The following SARAF variants were observed in gnomAD, a reference collection of about 807,000 sequenced individuals.
SARAF encodes store-operated calcium entry-associated regulatory factor.
A neutral mutation model predicts 39.7 loss-of-function variants in SARAF; 23 were observed. The ratio of observed to expected loss-of-function variants is 0.58; its 90% CI spans 0.42 to 0.82. SARAF has a LOEUF of 0.82. SARAF is among the 40% of genes least tolerant of loss of function. SARAF has a pLI of 0.00. For synonymous variants in SARAF, 175 were observed against 168.5 expected, an observed-to-expected ratio of 1.04 and a Z score of -0.30; for missense variants, 384 against 418.5, an observed-to-expected ratio of 0.92 and a Z score of 0.72.
Position 30,063,133 on chromosome 8 carries a change from A to C in SARAF, c.*755T>G, listed in dbSNP as rs1801596487. On this transcript the variant is annotated 3_prime_UTR_variant, in exon 6 of 6. Transcript: ENST00000256255. ...TTTTTATTGATTCTTTTTAAGATTG[A>C]AACAGACTATTACAACAATATTTGA... is the stretch of plus-strand genomic sequence containing the variant. 1 of 152,250 alleles carries C rather than the reference A, an allele frequency of 6.6e-6. No homozygotes were observed. The highest frequency in any genetic ancestry group is 6.5e-5 in the Admixed American group (1 of 15,278). 9.4% of individuals were successfully genotyped at this position (152,250 alleles called of 1,614,324 possible). A position where few individuals can be genotyped will look rare whatever the true frequency, so the allele number is the denominator to read the frequency against.
chr8:30,074,152 C>T lies in SARAF; in HGVS notation c.104-97G>A, dbSNP rs1222287336. On this transcript the variant is annotated intron_variant, in intron 1 of 5. Transcript: ENST00000256255. Reference sequence around the variant, plus strand: ...AACTCTCGTCATAGGAAATGCCTTTCTTGCCTTCTGAGGATGGCTAAGAGA... The same window carrying T: ...AACTCTCGTCATAGGAAATGCCTTTTTTGCCTTCTGAGGATGGCTAAGAGA... 28 of 1,370,858 alleles carry T rather than the reference C, an allele frequency of 2.0e-5. No homozygotes were observed. In the East Asian group the frequency reaches 5.8e-4, roughly 29 times the overall value. The allele number at this position is 1,370,858 out of a possible 1,614,324, so 84.9% of individuals were successfully genotyped here.
chr8:30,080,279 C>T (rs112005819), intron 1 of SARAF, among the ~76,000 whole-genome samples: 32 of 152,246 alleles, frequency 2.1e-4, no homozygotes, highest in African/African-American at 7.0e-4. Context: ...CACTGGTTTC[C>T]CTGCTTCCCT....
chr8:30,076,533 AG>A (rs1801970227), intron 1 of SARAF, among the ~76,000 whole-genome samples: 1 of 152,246 alleles, frequency 6.6e-6, no homozygotes, highest in Admixed American at 6.5e-5. Flanking sequence ...AACCATGAGC[AG>A]GGAGCCAAGG....
At chr8:30,065,415 A>G (rs1335731739) in intron 5 of SARAF, among the ~76,000 whole-genome samples, 1 of 152,154 alleles carries the variant, frequency 6.6e-6, no homozygotes, top group East Asian at 1.9e-4. Context: ...TTTTCTATCA[A>G]TTTCAAGAAT....
intron 2 of SARAF, among the ~76,000 whole-genome samples, chr8:30,070,975 A>C (rs1035133582): frequency 1.3e-5 from 2 of 152,236 alleles, no homozygotes; most frequent in African/African-American, 4.8e-5. Context: ...TTATAAAAAA[A>C]TATATGCCCA....
At chr8:30,080,565 T>C (rs1802074585) in intron 1 of SARAF, among the ~76,000 whole-genome samples, 1 of 152,228 alleles carries the variant, frequency 6.6e-6, no homozygotes, top group Non-Finnish European at 1.5e-5. Flanking sequence ...TTCTCCCCAA[T>C]AGAGGTAAAG....
intron 1 of SARAF, among the ~76,000 whole-genome samples, chr8:30,079,695 TA>T (rs1323813406): frequency 2.0e-5 from 3 of 152,248 alleles, no homozygotes; most frequent in Non-Finnish European, 4.4e-5. Flanking sequence ...AAAATTAAAA[TA>T]TTATCAACCT....
Position 30,083,036 on chromosome 8 carries a change from C to T in SARAF, c.-87G>A. The T allele has an allele frequency of 2.0e-6, 2 of 993,310 alleles. No individual in the cohort carries two copies. The highest frequency in any genetic ancestry group is 2.9e-6 in the Non-Finnish European group (2 of 698,112). 61.5% of individuals were successfully genotyped at this position (993,310 alleles called of 1,614,324 possible). A position where few individuals can be genotyped will look rare whatever the true frequency, so the allele number is the denominator to read the frequency against. Reference sequence around the variant, plus strand: ...GCGCGCGCGACGCTGCGCAGCTACACCGCTACCCCTGGCGGCGGCGAAGGA... The same window carrying T: ...GCGCGCGCGACGCTGCGCAGCTACATCGCTACCCCTGGCGGCGGCGAAGGA... On this transcript the variant is annotated 5_prime_UTR_variant, in exon 1 of 6. In the 5' UTR this introduces an upstream ATG that the reference lacks. Coordinates refer to ENST00000256255, the MANE Select transcript of SARAF (RefSeq NM_016127.6).
At chr8:30,075,991 C>A (rs11330212) in intron 1 of SARAF, among the ~76,000 whole-genome samples, 25,178 of 30,732 alleles carry the variant, frequency 0.82, 9,996 homozygotes, top group Middle Eastern at 0.94. Context: ...TAAAAAAAAA[C>A]AAAAAAAAAA....
intron 1 of SARAF, among the ~76,000 whole-genome samples, chr8:30,075,207 G>A (rs1273876843): frequency 6.6e-6 from 1 of 151,580 alleles, no homozygotes; most frequent in Non-Finnish European, 1.5e-5. Flanking sequence ...GGGTGAGGCA[G>A]GAGAATCGCT....
At chr8:30,074,845 TTGTACACTTC>T (rs151065762) in intron 1 of SARAF, among the ~76,000 whole-genome samples, 2,433 of 152,300 alleles carry the variant, frequency 0.016, 67 homozygotes, top group African/African-American at 0.055. Flanking sequence ...TGTAGGTTCA[TTGTACACTTC>T]TGTATGTTTA....
Position 30,083,022 on chromosome 8 carries a change from G to A in SARAF, c.-73C>T. 8.7e-7 allele frequency: 1 copy of A among 1,155,180 alleles called. No homozygotes were observed. The highest frequency in any genetic ancestry group is 1.2e-6 in the Non-Finnish European group (1 of 823,954). 71.6% of individuals were successfully genotyped at this position (1,155,180 alleles called of 1,614,324 possible). ...ACCTGGGTGCGGTAGCGCGCGCGAC[G>A]CTGCGCAGCTACACCGCTACCCCTG... On this transcript the variant is annotated 5_prime_UTR_variant, in exon 1 of 6. Transcript: ENST00000256255.
chr8:30,071,097 T>C lies in SARAF; in HGVS notation c.283-1038A>G, dbSNP rs538165988. Among the ~76,000 whole-genome samples, 575 of 152,280 alleles carry C rather than the reference T, an allele frequency of 3.8e-3. 7 individuals are homozygous for C. Among genetic ancestry groups the C allele is most frequent in the Non-Finnish European group, 4.3e-3 (293 of 68,022 alleles). On this transcript the variant is annotated intron_variant, in intron 2 of 5. Coordinates refer to ENST00000256255, the MANE Select transcript of SARAF (RefSeq NM_016127.6). ...GGTTCATGCTTGTAATCCCAGCACTTTGGGAGGCCAAGGTGGGCGGATCAC... is the reference window on the plus strand; with the variant it reads ...GGTTCATGCTTGTAATCCCAGCACTCTGGGAGGCCAAGGTGGGCGGATCAC...
At chr8:30,083,138 C>T (rs1351748250), upstream of SARAF, 4 of 502,840 alleles carry the variant, frequency 8.0e-6, no homozygotes, top group African/African-American at 4.1e-5. Context: ...GCCCGTGGGG[C>T]TCAGTGAGTG....
chr8:30,078,190 A>G (rs1273169555), intron 1 of SARAF: 1 of 405,126 alleles, frequency 2.5e-6, no homozygotes, highest in East Asian at 7.6e-5. Flanking sequence ...GAAAAAAAAA[A>G]AAAAGAAAGA....
At chr8:30,066,696 G>A in intron 4 of SARAF, 81 bp downstream of exon 4, 16 of 1,556,104 alleles carry the variant, frequency 1.0e-5, no homozygotes, top group Non-Finnish European at 1.4e-5. Context: ...ATTTTCCTTA[G>A]CAAAACTAAA....
chr8:30,083,049 C>T lies in SARAF; in HGVS notation c.-100G>A, dbSNP rs963678065. 3.0e-5 allele frequency: 27 copies of T among 906,394 alleles called. No homozygotes were observed. Among genetic ancestry groups the T allele is most frequent in the Non-Finnish European group, 3.8e-5 (24 of 623,970 alleles). 56.1% of individuals were successfully genotyped at this position (906,394 alleles called of 1,614,324 possible). On this transcript the variant is annotated 5_prime_UTR_variant, in exon 1 of 6. Coordinates refer to ENST00000256255, the MANE Select transcript of SARAF (RefSeq NM_016127.6). ...TGCGCAGCTACACCGCTACCCCTGG[C>T]GGCGGCGAAGGAACGGCCCGACTGC...
At chr8:30,064,561 A>ATTTTTTTTTTTTTTTTTTTT (rs869277681) in intron 5 of SARAF, among the ~76,000 whole-genome samples, 2 of 46,236 alleles carry the variant, frequency 4.3e-5, no homozygotes, top group Admixed American at 3.5e-4. Context: ...ATATATATAT[A>ATTTTTTTTTTTTTTTTTTTT]TTTTTTTTTT....
At chr8:30,079,059 A>C (rs1802039295) in intron 1 of SARAF, among the ~76,000 whole-genome samples, 1 of 150,530 alleles carries the variant, frequency 6.6e-6, no homozygotes, top group Non-Finnish European at 1.5e-5. Flanking sequence ...TGGGAGGCTG[A>C]GGCAGGAGAA....
Sources: gnomAD v4.1 joint callset for allele counts (sites outside exome capture counted in the v4.1 genomes callset) on GRCh38, gnomAD v4.1.1 for gene constraint, MANE v1.5 for transcripts, NCBI Gene and HGNC (gene_info 2026-07-23, HGNC 2026-07-21) for gene names.